NXPH1: variants seen among roughly 807,000 people sequenced by gnomAD.
NXPH1 encodes neurexophilin 1, also known as neurexophilin-1.
NXPH1 carries 5 observed loss-of-function variants against 23.7 expected under a neutral mutation model. That is an observed-to-expected ratio of 0.21 (90% confidence interval 0.11 to 0.44). NXPH1 has a LOEUF of 0.44. NXPH1 is among the 20% of genes least tolerant of loss of function. The pLI is 0.99. For missense variants in NXPH1, 324 were observed against 321.6 expected, an observed-to-expected ratio of 1.01 and a Z score of -0.06; for synonymous variants, 144 against 122.2, an observed-to-expected ratio of 1.18 and a Z score of -1.18.
chr7:8,656,467 C>G (rs1439088699), intron 2 of NXPH1, among the ~76,000 whole-genome samples: 2 of 149,276 alleles, frequency 1.3e-5, no homozygotes, highest in Non-Finnish European at 3.0e-5. Flanking sequence ...AATGATGCAA[C>G]TTTACTAAAA....
chr7:8,705,140 G>A (rs1005233344), intron 2 of NXPH1, among the ~76,000 whole-genome samples: 3 of 152,152 alleles, frequency 2.0e-5, no homozygotes, highest in African/African-American at 7.2e-5. Flanking sequence ...AGCCAGGCAT[G>A]TAGGGCATAC....
chr7:8,743,060 A>T (rs1031584012), intron 2 of NXPH1, among the ~76,000 whole-genome samples: 3 of 152,226 alleles, frequency 2.0e-5, no homozygotes, highest in African/African-American at 7.2e-5. Context: ...AATAGTAGTC[A>T]ATATTATGCA....
chr7:8,504,028 G>C (rs984460024), intron 2 of NXPH1, among the ~76,000 whole-genome samples: 1 of 151,968 alleles, frequency 6.6e-6, no homozygotes, highest in African/African-American at 2.4e-5. Context: ...TTGCTATTCA[G>C]TGTTTCCTCA....
rs1816174206 is a variant in NXPH1, at chr7:8,435,427, C to T, written c.-110-177C>T. The T allele has an allele frequency of 2.0e-6, 1 of 505,654 alleles. No individual in the cohort carries two copies. The highest frequency in any genetic ancestry group is 3.6e-6 in the Non-Finnish European group (1 of 281,224). The allele number at this position is 505,654 out of a possible 1,614,324, so 31.3% of individuals were successfully genotyped here. On this transcript the variant is annotated intron_variant, in intron 1 of 2. Coordinates refer to ENST00000405863, the MANE Select transcript of NXPH1 (RefSeq NM_152745.3). This position sits in a 1 kb window ranked among gnomAD's most constrained non-coding sequence, Gnocchi z 5.9. ...GTCCGCCCGCCCGCCTCCCCAGCTGCGGACCGCGCGCTTGCTGGTCTCAGG... is the reference window on the plus strand; with the variant it reads ...GTCCGCCCGCCCGCCTCCCCAGCTGTGGACCGCGCGCTTGCTGGTCTCAGG...
chr7:8,723,532 T>G (rs972037512), intron 2 of NXPH1, among the ~76,000 whole-genome samples: 1 of 152,242 alleles, frequency 6.6e-6, no homozygotes, highest in Non-Finnish European at 1.5e-5. Flanking sequence ...GGATTTTTGG[T>G]ATAACATTTT....
chr7:8,666,189 T>C (rs1000170818), intron 2 of NXPH1, among the ~76,000 whole-genome samples: 3 of 152,008 alleles, frequency 2.0e-5, no homozygotes, highest in Admixed American at 6.6e-5. Context: ...TTGTCATATA[T>C]GGCCTTTATT....
At chr7:8,576,834 C>T (rs1321290443) in intron 2 of NXPH1, among the ~76,000 whole-genome samples, 1 of 152,110 alleles carries the variant, frequency 6.6e-6, no homozygotes, top group African/African-American at 2.4e-5. Flanking sequence ...AGATTATAAA[C>T]TCCTATAGGG....
At chr7:8,475,842 C>G (rs1469818509) in intron 2 of NXPH1, among the ~76,000 whole-genome samples, 1 of 152,110 alleles carries the variant, frequency 6.6e-6, no homozygotes, top group Non-Finnish European at 1.5e-5. Flanking sequence ...AAAATTTAGT[C>G]ATATTAAAAA....
chr7:8,680,895 G>C (rs1821039838), intron 2 of NXPH1, among the ~76,000 whole-genome samples: 1 of 152,222 alleles, frequency 6.6e-6, no homozygotes, highest in East Asian at 1.9e-4. Flanking sequence ...ATTAGTGCTG[G>C]AAAAGGATCA....
chr7:8,636,222 T>G (rs565270575), intron 2 of NXPH1, among the ~76,000 whole-genome samples: 4 of 152,300 alleles, frequency 2.6e-5, no homozygotes, highest in African/African-American at 9.6e-5. Context: ...TCTGGGATAT[T>G]TGAGTAAATG....
chr7:8,708,105 C>T (rs567719613), intron 2 of NXPH1, among the ~76,000 whole-genome samples: 2 of 152,120 alleles, frequency 1.3e-5, no homozygotes, highest in African/African-American at 4.8e-5. Flanking sequence ...AGGATTCATC[C>T]TACATTTGGA....
intron 2 of NXPH1, among the ~76,000 whole-genome samples, chr7:8,651,548 C>A (rs1430562750): frequency 1.3e-5 from 2 of 151,952 alleles, no homozygotes; most frequent in Admixed American, 6.6e-5. Flanking sequence ...AATCACCACA[C>A]TGACTTCCAC....
chr7:8,449,218 A>G (rs1816461190), intron 2 of NXPH1, among the ~76,000 whole-genome samples: 2 of 152,224 alleles, frequency 1.3e-5, no homozygotes, highest in South Asian at 4.1e-4. Context: ...AGTTTGGTGG[A>G]ATGAGAGCCA....
In NXPH1 at chr7:8,713,288, G is replaced by C. The variant is rs557542634; in HGVS notation, c.55-37720G>C. On this transcript the variant is annotated intron_variant, in intron 2 of 2. Transcript: ENST00000405863. ...ACTTTCAACTCCAGAATTTCTGCTC[G>C]ATTCTTCTTATTTATTTCTATTTCT... 2.6e-5 allele frequency among the ~76,000 whole-genome samples: 4 copies of C among 152,112 alleles called. No individual in the cohort carries two copies. In the East Asian group the frequency reaches 7.7e-4, roughly 29 times the overall value.
chr7:8,452,059 C>A (rs536219311), intron 2 of NXPH1, among the ~76,000 whole-genome samples: 2 of 152,262 alleles, frequency 1.3e-5, no homozygotes, highest in Admixed American at 1.3e-4. Context: ...ACTGATTAGC[C>A]ACTCAGATGT....
intron 2 of NXPH1, among the ~76,000 whole-genome samples, chr7:8,740,490 A>T (rs1780342824): frequency 6.6e-6 from 1 of 152,212 alleles, no homozygotes. Context: ...AGAGATAGAC[A>T]ATGATGAAGT....
intron 2 of NXPH1, among the ~76,000 whole-genome samples, chr7:8,621,551 G>A (rs367680436): frequency 2.0e-5 from 3 of 149,792 alleles, no homozygotes; most frequent in South Asian, 2.2e-4. Context: ...GTGATGGCAC[G>A]ATCTTGGCTC....
intron 2 of NXPH1, among the ~76,000 whole-genome samples, chr7:8,666,508 G>C (rs1240670869): frequency 6.6e-6 from 1 of 151,964 alleles, no homozygotes; most frequent in Non-Finnish European, 1.5e-5. Context: ...TCTTGTAGTG[G>C]CTTTGCCTGG....
chr7:8,511,811 G>T (rs986824483), intron 2 of NXPH1, among the ~76,000 whole-genome samples: 1 of 152,212 alleles, frequency 6.6e-6, no homozygotes, highest in Admixed American at 6.5e-5. Context: ...GAAGATTCTG[G>T]CACAATTTCA....
Sources: allele counts gnomAD v4.1 joint callset (sites outside exome capture counted in the v4.1 genomes callset), GRCh38; gene constraint gnomAD v4.1.1; non-coding constraint Gnocchi (gnomAD v3.1); transcripts MANE v1.5; gene names NCBI Gene and HGNC (gene_info 2026-07-23, HGNC 2026-07-21).